Variants in GRAMD2B observed in about 807,000 individuals in gnomAD.
GRAMD2B encodes GRAM domain-containing protein 2B.
Under a neutral mutation model 59.2 loss-of-function variants are expected in GRAMD2B, and 41 were observed. That is an observed-to-expected ratio of 0.69 (90% confidence interval 0.54 to 0.90). The LOEUF is 0.90. Among genes scored for constraint, GRAMD2B ranks in the 40% least tolerant of loss-of-function variants. The pLI is 0.00. For synonymous variants in GRAMD2B, 161 were observed against 182.7 expected (o/e 0.88, Z 0.96); for missense variants, 424 against 500.5 (o/e 0.85, Z 1.46).
chr5:126,365,268 T>C (rs892153841), intron 1 of GRAMD2B, among the ~76,000 whole-genome samples: 33 of 152,120 alleles, frequency 2.2e-4, no homozygotes, highest in African/African-American at 8.0e-4. Context: ...CTGACTAAAA[T>C]AGTAAATTTA....
In GRAMD2B at chr5:126,430,424, A is replaced by G. The variant is rs1761375363; in HGVS notation, c.83+6735A>G. Reference sequence around the variant, plus strand: ...AGGTGTAATTCCATGACTCTTAGTAACATTACCAAGTGATGCACCATCACC... The same window carrying G: ...AGGTGTAATTCCATGACTCTTAGTAGCATTACCAAGTGATGCACCATCACC... On this transcript the variant is annotated intron_variant, in intron 1 of 13. Transcript: ENST00000285689. 2.0e-5 allele frequency among the ~76,000 whole-genome samples: 3 copies of G among 152,180 alleles called. No individual in the cohort carries two copies. The South Asian group carries it at 6.2e-4, about 32-fold the overall frequency.
chr5:126,420,856 G>A (rs1000245644), upstream of GRAMD2B, among the ~76,000 whole-genome samples: 4 of 152,178 alleles, frequency 2.6e-5, no homozygotes, highest in East Asian at 3.9e-4. Flanking sequence ...ACAGATAAAC[G>A]GGCAACCCAA....
chr5:126,453,348 G>GAAAAAA (rs35983190), intron 1 of GRAMD2B, among the ~76,000 whole-genome samples: 7 of 128,190 alleles, frequency 5.5e-5, no homozygotes, highest in African/African-American at 5.9e-5. Context: ...CATCTTAAAA[G>GAAAAAA]AAAAAAAAAA....
At chr5:126,484,589 T>A in intron 10 of GRAMD2B, 65 bp downstream of exon 10, 2 of 1,505,020 alleles carry the variant, frequency 1.3e-6, no homozygotes, top group Non-Finnish European at 1.8e-6. Context: ...TGTAACTTTT[T>A]TTTTTTTTTT....
At position 126,371,537 on chromosome 5, in the gene GRAMD2B, CCA is replaced by C; in HGVS notation, c.98_99del (p.Thr33ArgfsTer13). On this transcript the variant is annotated frameshift_variant, in exon 1 of 9. Coordinates refer to the GRAMD2B transcript ENST00000506445. LOFTEE classifies it high-confidence loss of function. ...GCCAACGTGGAGGCCTCACGCAGCT[CCA>C]CAGACAGCCCCAGCTCGGTGTTCCT... 7.8e-7 allele frequency: 1 copy of C among 1,289,156 alleles called. No individual in the cohort carries two copies. The highest frequency in any genetic ancestry group is 1.0e-6 in the Non-Finnish European group (1 of 988,756). 79.9% of individuals were successfully genotyped at this position (1,289,156 alleles called of 1,614,324 possible).
chr5:126,362,753 T>G (rs1561449713), intron 1 of GRAMD2B, among the ~76,000 whole-genome samples: 1 of 152,200 alleles, frequency 6.6e-6, no homozygotes, highest in African/African-American at 2.4e-5. Flanking sequence ...AATAGCCTTT[T>G]CAACAATAGT....
At chr5:126,416,215 C>T (rs992459008) in intron 1 of GRAMD2B, among the ~76,000 whole-genome samples, 1 of 152,272 alleles carries the variant, frequency 6.6e-6, no homozygotes, top group Admixed American at 6.5e-5. Context: ...TGGGACCTTT[C>T]TAATCTGGTA....
intron 1 of GRAMD2B, among the ~76,000 whole-genome samples, chr5:126,383,733 T>C (rs1269489642): frequency 6.6e-6 from 1 of 152,250 alleles, no homozygotes; most frequent in Non-Finnish European, 1.5e-5. Context: ...ACGAATTTAT[T>C]CACCCAGCTT....
intron 1 of GRAMD2B, among the ~76,000 whole-genome samples, chr5:126,374,233 A>C (rs1284954150): frequency 2.6e-5 from 4 of 152,220 alleles, no homozygotes; most frequent in Non-Finnish European, 1.5e-5. Context: ...CAACACTGGA[A>C]TTGTCTGATT....
chr5:126,492,014 C>T (rs1000398790), intron 13 of GRAMD2B, among the ~76,000 whole-genome samples: 1 of 152,112 alleles, frequency 6.6e-6, no homozygotes, highest in African/African-American at 2.4e-5. Context: ...ATTACAGGCA[C>T]AAGCCACAGC....
intron 1 of GRAMD2B, among the ~76,000 whole-genome samples, chr5:126,410,766 C>A (rs1335150368): frequency 6.6e-6 from 1 of 152,018 alleles, no homozygotes; most frequent in Admixed American, 6.6e-5. Context: ...CACAGCCTCA[C>A]CAGCATCTGT....
At chr5:126,481,204 AAAGAAAG>A (rs1469307057) in intron 8 of GRAMD2B, among the ~76,000 whole-genome samples, 10 of 2,898 alleles carry the variant, frequency 3.5e-3, no homozygotes, top group South Asian at 0.028. Flanking sequence ...AAAAAAAAAA[AAAGAAAG>A]AAAGAAAGAA....
At chr5:126,439,913 C>A (rs568826244) in intron 1 of GRAMD2B, among the ~76,000 whole-genome samples, 1 of 152,128 alleles carries the variant, frequency 6.6e-6, no homozygotes, top group Non-Finnish European at 1.5e-5. Context: ...CCCCTGCACA[C>A]GCTCTCTTGT....
chr5:126,440,678 G>A (rs1324694934), intron 1 of GRAMD2B, among the ~76,000 whole-genome samples: 1 of 152,136 alleles, frequency 6.6e-6, no homozygotes, highest in African/African-American at 2.4e-5. Flanking sequence ...ATGGAAGTAG[G>A]AAGTCTTACA....
chr5:126,410,345 T>G (rs1400525355), intron 1 of GRAMD2B, among the ~76,000 whole-genome samples: 1 of 151,922 alleles, frequency 6.6e-6, no homozygotes, highest in South Asian at 2.1e-4. Flanking sequence ...TCCATTTCTT[T>G]GTATCCTCTT....
chr5:126,385,606 T>C (rs918917973), intron 1 of GRAMD2B, among the ~76,000 whole-genome samples: 10 of 152,238 alleles, frequency 6.6e-5, no homozygotes, highest in African/African-American at 2.4e-4. Context: ...GTGCCGGAAA[T>C]AACATTTTCC....
intron 1 of GRAMD2B, among the ~76,000 whole-genome samples, chr5:126,408,634 T>A (rs1407114378): frequency 6.6e-6 from 1 of 151,852 alleles, no homozygotes; most frequent in Non-Finnish European, 1.5e-5. Flanking sequence ...AAAATCATGC[T>A]GTGTGACTTC....
Position 126,490,258 on chromosome 5 carries a change from A to G in GRAMD2B, c.1257+1366A>G, listed in dbSNP as rs6886618. Reference sequence around the variant, plus strand: ...GAGAATGAAGTGGTATTAATTTTCAATTTTGTTCACTCTTACATACCAGTG... The same window carrying G: ...GAGAATGAAGTGGTATTAATTTTCAGTTTTGTTCACTCTTACATACCAGTG... On this transcript the variant is annotated intron_variant, in intron 13 of 13. Transcript: ENST00000285689. 340 of 152,254 alleles carry G rather than the reference A, an allele frequency of 2.2e-3. 2 individuals are homozygous for G. Among genetic ancestry groups the G allele is most frequent in the African/African-American group, 7.5e-3 (311 of 41,538 alleles). 9.4% of individuals were successfully genotyped at this position (152,254 alleles called of 1,614,324 possible). A position where few individuals can be genotyped will look rare whatever the true frequency, so the allele number is the denominator to read the frequency against.
chr5:126,462,464 A>G, intron 1 of GRAMD2B: 1 of 985,084 alleles, frequency 1.0e-6, no homozygotes, highest in Non-Finnish European at 1.2e-6. Context: ...TTGCAGGAAT[A>G]ATCTTGCCTG....
Sources: allele counts gnomAD v4.1 joint callset (sites outside exome capture counted in the v4.1 genomes callset), GRCh38; gene constraint gnomAD v4.1.1; transcripts MANE v1.5; gene names NCBI Gene and HGNC (gene_info 2026-07-23, HGNC 2026-07-21).